The following EFCAB6 variants were observed in gnomAD, a reference collection of about 807,000 sequenced individuals.
EFCAB6 encodes EF-hand calcium-binding domain-containing protein 6.
In EFCAB6, 156 loss-of-function variants were observed where a neutral mutation model predicts 169.8. The ratio of observed to expected loss-of-function variants is 0.92; its 90% confidence interval spans 0.81 to 1.05. EFCAB6 has a LOEUF of 1.05. Among genes scored for constraint, EFCAB6 ranks in the 50% least tolerant of loss-of-function variants. The probability of loss-of-function intolerance (pLI) is 0.00; values close to 1 mark genes in which losing one functional copy is unlikely to be tolerated. For synonymous variants in EFCAB6, 698 were observed against 676.4 expected, an observed-to-expected ratio of 1.03 and a Z score of -0.50; for missense variants, 1,800 against 1,829.1, an observed-to-expected ratio of 0.98 and a Z score of 0.29.
intron 27 of EFCAB6, chr22:43,552,687 G>T (rs1437026873): frequency 6.6e-6 from 1 of 152,028 alleles, no homozygotes; most frequent in East Asian, 1.9e-4. Flanking sequence ...TGCTGAGGAT[G>T]GTGAAGTTTT....
intron 17 of EFCAB6, among the ~76,000 whole-genome samples, chr22:43,661,663 C>T (rs2057008211): frequency 6.6e-6 from 1 of 152,224 alleles, no homozygotes; most frequent in Non-Finnish European, 1.5e-5. Flanking sequence ...AAGCACATGG[C>T]CTTCATTCAC....
intron 17 of EFCAB6, among the ~76,000 whole-genome samples, chr22:43,643,423 C>T (rs1266462313): frequency 6.6e-6 from 1 of 152,172 alleles, no homozygotes; most frequent in African/African-American, 2.4e-5. Context: ...GATGAGAAAC[C>T]CAAAGCCCAG....
intron 27 of EFCAB6, chr22:43,552,694 T>C (rs951152628): frequency 1.3e-5 from 2 of 152,152 alleles, no homozygotes; most frequent in African/African-American, 4.8e-5. Context: ...GATGGTGAAG[T>C]TTTCTTAGTG....
intron 26 of EFCAB6, among the ~76,000 whole-genome samples, chr22:43,561,343 C>T (rs2049019688): frequency 6.8e-6 from 1 of 146,228 alleles, no homozygotes; most frequent in African/African-American, 2.5e-5. Context: ...GGCAACAGAG[C>T]GAGACTCTGT....
chr22:43,685,141 T>C (rs1289973444), intron 11 of EFCAB6, among the ~76,000 whole-genome samples: 1 of 152,206 alleles, frequency 6.6e-6, no homozygotes, highest in Admixed American at 6.5e-5. Flanking sequence ...ACAACCTTGC[T>C]ATTGTCGTTA....
intron 22 of EFCAB6, among the ~76,000 whole-genome samples, chr22:43,605,092 G>A (rs1318430383): frequency 2.0e-5 from 3 of 152,092 alleles, no homozygotes; most frequent in African/African-American, 7.2e-5. Flanking sequence ...CCATGTCCAG[G>A]GTCAACACTG....
Position 43,549,966 on chromosome 22 carries a change from C to T in EFCAB6, c.3648+4903G>A, listed in dbSNP as rs181008185. ...CATTGGATAAAATTCAACATCTATT[C>T]ATGGTAAACAGCTCTTAGCCAAATA... is the stretch of plus-strand genomic sequence containing the variant. On this transcript the variant is annotated intron_variant, in intron 27 of 31. Coordinates refer to ENST00000262726, the MANE Select transcript of EFCAB6 (RefSeq NM_022785.4). Among the ~76,000 whole-genome samples, 89 of 152,304 alleles carry T rather than the reference C, an allele frequency of 5.8e-4. 1 individual carries two copies. Among genetic ancestry groups the T allele is most frequent in the African/African-American group, 2.1e-3 (87 of 41,560 alleles).
At chr22:43,687,447 G>GTTTTTTTTTTT in intron 11 of EFCAB6, 24 bp downstream of exon 11, 1 of 833,484 alleles carries the variant, frequency 1.2e-6, no homozygotes, top group South Asian at 2.4e-5. Context: ...ACTAAAATTT[G>GTTTTTTTTTTT]TTTTTTTTTT....
At chr22:43,583,748 T>C (rs1247450973) in intron 24 of EFCAB6, among the ~76,000 whole-genome samples, 2 of 152,162 alleles carry the variant, frequency 1.3e-5, no homozygotes, top group Non-Finnish European at 2.9e-5. Flanking sequence ...CAGACATCTA[T>C]GATCCAGGAC....
At chr22:43,608,127 G>A (rs2053047698) in intron 22 of EFCAB6, among the ~76,000 whole-genome samples, 1 of 152,182 alleles carries the variant, frequency 6.6e-6, no homozygotes, top group Admixed American at 6.5e-5. Flanking sequence ...CATATCTGCT[G>A]AGTGAGTTAT....
At chr22:43,810,596 C>A (rs541106391) in intron 1 of EFCAB6, among the ~76,000 whole-genome samples, 1 of 152,282 alleles carries the variant, frequency 6.6e-6, no homozygotes, top group African/African-American at 2.4e-5. Context: ...TCTCCAGGTG[C>A]CAGTCAGCTG....
chr22:43,610,608 C>T (rs954706598), intron 21 of EFCAB6, among the ~76,000 whole-genome samples: 1 of 152,150 alleles, frequency 6.6e-6, no homozygotes, highest in African/African-American at 2.4e-5. Context: ...GTGCTGGCTC[C>T]TGGTCTAAGA....
At chr22:43,761,604 A>G (rs938822331) in intron 5 of EFCAB6, among the ~76,000 whole-genome samples, 2 of 152,232 alleles carry the variant, frequency 1.3e-5, no homozygotes, top group African/African-American at 4.8e-5. Context: ...CTTTAAACAT[A>G]TTAAAACACT....
intron 5 of EFCAB6, among the ~76,000 whole-genome samples, chr22:43,764,452 G>A (rs866645593): frequency 1.3e-4 from 20 of 152,206 alleles, no homozygotes; most frequent in African/African-American, 4.6e-4. Context: ...TAGGCACCTA[G>A]GTTGGTTAAT....
chr22:43,610,497 TG>T (rs1448383148), intron 21 of EFCAB6, among the ~76,000 whole-genome samples: 5 of 151,922 alleles, frequency 3.3e-5, no homozygotes, highest in Non-Finnish European at 7.4e-5. Flanking sequence ...TCCACTAGAG[TG>T]GAAAAAACTA....
chr22:43,589,605 T>C (rs962279744), intron 24 of EFCAB6, among the ~76,000 whole-genome samples: 20 of 152,148 alleles, frequency 1.3e-4, no homozygotes, highest in African/African-American at 4.6e-4. Context: ...CTGGCCAACG[T>C]GGTGAAACCC....
chr22:43,572,541 G>A lies in EFCAB6; in HGVS notation c.3420+3756C>T, dbSNP rs1054746498. On this transcript the variant is annotated intron_variant, in intron 26 of 31. Transcript: ENST00000262726. This position sits in a 1 kb window ranked among gnomAD's most constrained non-coding sequence, Gnocchi z 4.0. ...AAGCCTACGGCCGCCTGGCTCCTTC[G>A]CTCCCTGGCCCCATCTCCTTAGACC... 6.6e-5 allele frequency among the ~76,000 whole-genome samples: 10 copies of A among 152,124 alleles called. No individual in the cohort carries two copies. The highest frequency in any genetic ancestry group is 2.0e-4 in the Admixed American group (3 of 15,276).
At chr22:43,752,378 A>G (rs890765845) in intron 6 of EFCAB6, among the ~76,000 whole-genome samples, 12 of 152,134 alleles carry the variant, frequency 7.9e-5, no homozygotes, top group African/African-American at 2.9e-4. Flanking sequence ...TCGGCCTCCC[A>G]AAGTGCTGGG....
In EFCAB6 at chr22:43,782,797, A is replaced by AT. The variant is rs2061873372; in HGVS notation, c.-7-473dup. On this transcript the variant is annotated intron_variant, in intron 2 of 31. Transcript: ENST00000262726. ...ACACTGGGAAAAATTGTTGAAATCA[A>AT]TTTTTTTTCAGAACTCTGGAAATTA... Among the ~76,000 whole-genome samples, 4 of 152,048 alleles carry AT rather than the reference A, an allele frequency of 2.6e-5. No homozygotes were observed. In the South Asian group the frequency reaches 6.3e-4, roughly 24 times the overall value.
Sources: allele counts gnomAD v4.1 joint callset (sites outside exome capture counted in the v4.1 genomes callset), GRCh38; gene constraint gnomAD v4.1.1; non-coding constraint Gnocchi (gnomAD v3.1); transcripts MANE v1.5; gene names NCBI Gene and HGNC (gene_info 2026-07-23, HGNC 2026-07-21).